The following EVL variants were observed in gnomAD, a reference collection of about 807,000 sequenced individuals.
EVL encodes the protein Enah/Vasp-like.
EVL carries 21 observed loss-of-function variants against 59.6 expected under a neutral mutation model. That is an observed-to-expected ratio of 0.35 (90% confidence interval 0.25 to 0.51). The LOEUF (loss-of-function observed/expected upper bound fraction) is 0.51, where lower values mean the gene tolerates loss of function less well. Ranked by LOEUF, EVL falls within the 20% of genes least tolerant of loss-of-function variation. The pLI is 0.97. For missense variants in EVL, 462 were observed against 546.6 expected, an observed-to-expected ratio of 0.85 and a Z score of 1.54; for synonymous variants, 198 against 203.5, an observed-to-expected ratio of 0.97 and a Z score of 0.23.
At chr14:100,035,840 A>G (rs2061380702) in intron 1 of EVL, among the ~76,000 whole-genome samples, 1 of 152,188 alleles carries the variant, frequency 6.6e-6, no homozygotes, top group African/African-American at 2.4e-5. Context: ...ACTACCTGTC[A>G]TGTAGTTTAT....
chr14:100,071,642 C>T (rs2062050730), intron 1 of EVL, among the ~76,000 whole-genome samples: 1 of 152,052 alleles, frequency 6.6e-6, no homozygotes, highest in African/African-American at 2.4e-5. Context: ...TTCTCTTGAC[C>T]AAAAAAGTTT....
At chr14:100,038,781 T>G (rs928081446) in intron 1 of EVL, among the ~76,000 whole-genome samples, 1 of 150,788 alleles carries the variant, frequency 6.6e-6, no homozygotes, top group African/African-American at 2.4e-5. Flanking sequence ...GGTGTGTGTG[T>G]GTGTGTGTGT....
At chr14:100,033,246 ATTC>A (rs2061340669) in intron 1 of EVL, among the ~76,000 whole-genome samples, 1 of 152,236 alleles carries the variant, frequency 6.6e-6, no homozygotes, top group African/African-American at 2.4e-5. Flanking sequence ...AGCACTTCTG[ATTC>A]TTCTAGATTC....
chr14:99,982,844 C>T (rs2060816100), intron 1 of EVL, among the ~76,000 whole-genome samples: 1 of 152,190 alleles, frequency 6.6e-6, no homozygotes, highest in Non-Finnish European at 1.5e-5. Context: ...GTTTTAGAGT[C>T]AGACCTGGAT....
chr14:100,095,544 A>G (rs1431539856), intron 2 of EVL, among the ~76,000 whole-genome samples: 1 of 152,152 alleles, frequency 6.6e-6, no homozygotes, highest in East Asian at 1.9e-4. Context: ...ATGACCTATA[A>G]CTAAACCTAG....
At chr14:100,060,922 C>T (rs1297142708), upstream of EVL, among the ~76,000 whole-genome samples, 1 of 150,620 alleles carries the variant, frequency 6.6e-6, no homozygotes, top group Non-Finnish European at 1.5e-5. Context: ...TTCTCAGAAA[C>T]CATGGAGGCC....
chr14:100,028,751 C>T (rs1485036374), intron 1 of EVL, among the ~76,000 whole-genome samples: 2 of 152,176 alleles, frequency 1.3e-5, no homozygotes, highest in African/African-American at 2.4e-5. Context: ...GCGCAGGTTG[C>T]AGTGAGCCAA....
At chr14:100,067,840 G>A (rs1326359214) in intron 1 of EVL, among the ~76,000 whole-genome samples, 1 of 152,220 alleles carries the variant, frequency 6.6e-6, no homozygotes, top group Non-Finnish European at 1.5e-5. Flanking sequence ...CTGCAGCACA[G>A]AGAGTAATAA....
chr14:99,975,564 G>T (rs1484433172), intron 1 of EVL, among the ~76,000 whole-genome samples: 1 of 152,146 alleles, frequency 6.6e-6, no homozygotes, highest in Non-Finnish European at 1.5e-5. Flanking sequence ...GGTTAGGGGG[G>T]TAGTTTCCAG....
intron 1 of EVL, among the ~76,000 whole-genome samples, chr14:100,000,170 C>T (rs2060936911): frequency 6.6e-6 from 1 of 152,150 alleles, no homozygotes; most frequent in Non-Finnish European, 1.5e-5. Flanking sequence ...GTCCTGACAA[C>T]GTGTGCCCAA....
At chr14:100,111,520 A>G (rs1003896186) in intron 3 of EVL, among the ~76,000 whole-genome samples, 2 of 152,128 alleles carry the variant, frequency 1.3e-5, no homozygotes, top group African/African-American at 2.4e-5. Context: ...GGCTCAAATG[A>G]TAAAATAGAT....
Position 100,075,039 on chromosome 14 carries a change from A to T in EVL, c.11+9528A>T, listed in dbSNP as rs1277284705. ...TGTCTCTGACTTGACTCCCTGTGTG[A>T]CTTGGGGGAGCCACACAATGAGAAG... is the stretch of plus-strand genomic sequence containing the variant. On this transcript the variant is annotated intron_variant, in intron 1 of 13. Coordinates refer to ENST00000392920, the MANE Select transcript of EVL (RefSeq NM_016337.3). 2.6e-5 allele frequency among the ~76,000 whole-genome samples: 4 copies of T among 152,132 alleles called. No individual in the cohort carries two copies. In the East Asian group the frequency reaches 7.7e-4, roughly 29 times the overall value.
chr14:100,119,352 G>A (rs1016248237), intron 3 of EVL, among the ~76,000 whole-genome samples: 8 of 152,200 alleles, frequency 5.3e-5, no homozygotes, highest in African/African-American at 1.4e-4. Context: ...CCCCTGCCTC[G>A]GCAAAATCAG....
At chr14:100,003,740 A>AT (rs1009720440) in intron 1 of EVL, among the ~76,000 whole-genome samples, 3 of 152,142 alleles carry the variant, frequency 2.0e-5, no homozygotes, top group African/African-American at 7.2e-5. Context: ...TTAAAAAAAA[A>AT]TTTTTTTTAA....
At chr14:100,020,217 T>C (rs1434016204) in intron 1 of EVL, among the ~76,000 whole-genome samples, 1 of 152,176 alleles carries the variant, frequency 6.6e-6, no homozygotes, top group Non-Finnish European at 1.5e-5. Context: ...GCCCTGATAG[T>C]GTTTTGTTAA....
intron 2 of EVL, among the ~76,000 whole-genome samples, chr14:100,093,184 C>T (rs2062600723): frequency 6.6e-6 from 1 of 152,206 alleles, no homozygotes; most frequent in Admixed American, 6.5e-5. Context: ...AAACACATTG[C>T]ACTGGACTCT....
At chr14:100,040,549 C>T (rs554289038) in intron 1 of EVL, among the ~76,000 whole-genome samples, 4 of 152,282 alleles carry the variant, frequency 2.6e-5, no homozygotes, top group African/African-American at 4.8e-5. Context: ...AGTCAGCAAA[C>T]GCAGTTCAAC....
At chr14:100,125,099 C>A (rs997705791) in intron 4 of EVL, among the ~76,000 whole-genome samples, 1 of 151,216 alleles carries the variant, frequency 6.6e-6, no homozygotes, top group African/African-American at 2.4e-5. Context: ...GACACAGACA[C>A]ACACACCTGC....
intron 1 of EVL, among the ~76,000 whole-genome samples, chr14:100,002,276 C>T (rs1451131500): frequency 6.6e-6 from 1 of 152,102 alleles, no homozygotes; most frequent in South Asian, 2.1e-4. Flanking sequence ...CATTCAAGAG[C>T]ACCTGTTAGA....
Sources: gnomAD v4.1 joint callset for allele counts (sites outside exome capture counted in the v4.1 genomes callset) on GRCh38, gnomAD v4.1.1 for gene constraint, MANE v1.5 for transcripts, NCBI Gene and HGNC (gene_info 2026-07-23, HGNC 2026-07-21) for gene names.